Variants in LUZP2 observed in about 807,000 individuals in gnomAD.
LUZP2 encodes leucine zipper protein 2.
LUZP2 carries 52 observed loss-of-function variants against 51.6 expected under a neutral mutation model. That is an observed-to-expected ratio of 1.01 (90% confidence interval 0.81 to 1.27). The LOEUF is 1.27. Among genes scored for constraint, LUZP2 ranks in the 50% most tolerant of loss-of-function variants. The probability of loss-of-function intolerance (pLI) is 0.00; values close to 1 mark genes in which losing one functional copy is unlikely to be tolerated. For missense variants in LUZP2, 436 were observed against 395.4 expected (o/e 1.10, Z -0.87); for synonymous variants, 154 against 137.3 (o/e 1.12, Z -0.85).
rs192230119 is a variant in LUZP2, at chr11:24,987,622, G to C, written c.765+4329G>C. 8.2e-3 allele frequency among the ~76,000 whole-genome samples: 1,251 copies of C among 151,952 alleles called. 6 individuals carry two copies. Among genetic ancestry groups the C allele is most frequent in the Non-Finnish European group, 0.014 (973 of 67,876 alleles). On this transcript the variant is annotated intron_variant, in intron 9 of 11. Coordinates refer to ENST00000336930, the MANE Select transcript of LUZP2 (RefSeq NM_001009909.4). ...GGAAAAGGATGATTTGTTAATTTTT[G>C]TTTAAATGTGTTGTAAATGCCAAAG...
At chr11:25,030,776 A>G (rs186128546) in intron 9 of LUZP2, among the ~76,000 whole-genome samples, 5 of 147,670 alleles carry the variant, frequency 3.4e-5, no homozygotes, top group African/African-American at 1.2e-4. Context: ...TCATTTACCT[A>G]TTGCTTTATA....
At chr11:24,612,865 C>T (rs1294513646) in intron 1 of LUZP2, among the ~76,000 whole-genome samples, 1 of 151,998 alleles carries the variant, frequency 6.6e-6, no homozygotes, top group Admixed American at 6.6e-5. Context: ...TAGGGAGGTG[C>T]ATCTTTTCCT....
At chr11:24,738,851 C>T (rs111735727) in intron 4 of LUZP2, among the ~76,000 whole-genome samples, 1 of 152,078 alleles carries the variant, frequency 6.6e-6, no homozygotes, top group African/African-American at 2.4e-5. Context: ...CGTTTCAGCT[C>T]TTACTACGAA....
intron 9 of LUZP2, among the ~76,000 whole-genome samples, chr11:25,016,207 A>G (rs748009963): frequency 4.6e-5 from 7 of 152,060 alleles, no homozygotes; most frequent in Non-Finnish European, 8.8e-5. Flanking sequence ...AGCGTGAGCC[A>G]CCATGCCTGG....
chr11:24,999,691 G>A (rs1350602512), intron 9 of LUZP2, among the ~76,000 whole-genome samples: 1 of 152,116 alleles, frequency 6.6e-6, no homozygotes, highest in South Asian at 2.1e-4. Context: ...AGTGACACAT[G>A]CAATGTTATA....
rs780560411 is a variant in LUZP2 at position 24,497,193 on chromosome 11, AAG to A, written c.-39_-38del. 1,640 of 1,463,862 alleles carry A rather than the reference AAG, an allele frequency of 1.1e-3. No homozygotes were observed. The highest frequency in any genetic ancestry group is 2.8e-3 in the South Asian group (209 of 74,602). 90.7% of individuals were successfully genotyped at this position (1,463,862 alleles called of 1,614,324 possible). Reference sequence around the variant, plus strand: ...GGCACCAAGGAGCGACAGGATCCCGAAGAGAGAGAGAGAAGGCAGCGAGGGAA... The same window carrying A: ...GGCACCAAGGAGCGACAGGATCCCGAAGAGAGAGAGAAGGCAGCGAGGGAA... On this transcript the variant is annotated 5_prime_UTR_variant, in exon 1 of 12. Transcript: ENST00000336930.
chr11:24,650,427 T>C (rs1855591938), intron 1 of LUZP2, among the ~76,000 whole-genome samples: 1 of 151,902 alleles, frequency 6.6e-6, no homozygotes. Context: ...CACACACACA[T>C]ACTAATAACA....
intron 5 of LUZP2, among the ~76,000 whole-genome samples, chr11:24,861,869 C>T (rs1324403375): frequency 6.6e-6 from 1 of 152,166 alleles, no homozygotes; most frequent in Non-Finnish European, 1.5e-5. Context: ...GAACAGGACC[C>T]ATGATCAAAG....
At chr11:24,906,955 A>G (rs1853474194) in intron 6 of LUZP2, among the ~76,000 whole-genome samples, 1 of 152,200 alleles carries the variant, frequency 6.6e-6, no homozygotes, top group Admixed American at 6.5e-5. Flanking sequence ...AGAGTTGTCT[A>G]GAAGTAAGGC....
At chr11:24,865,019 T>G (rs1353893775) in intron 5 of LUZP2, among the ~76,000 whole-genome samples, 1 of 152,238 alleles carries the variant, frequency 6.6e-6, no homozygotes, top group Admixed American at 6.5e-5. Context: ...TACTTCCTCT[T>G]ATTCTACGTT....
intron 1 of LUZP2, among the ~76,000 whole-genome samples, chr11:24,632,286 G>A (rs1262947516): frequency 2.0e-5 from 3 of 151,762 alleles, no homozygotes; most frequent in Non-Finnish European, 4.4e-5. Flanking sequence ...ATAAAACCTC[G>A]GCATTTGATA....
chr11:24,949,177 A>C (rs373045857), intron 7 of LUZP2, among the ~76,000 whole-genome samples: 6 of 151,484 alleles, frequency 4.0e-5, no homozygotes, highest in African/African-American at 1.5e-4. Flanking sequence ...GGATGCAAAA[A>C]GGGTAAATTC....
intron 1 of LUZP2, among the ~76,000 whole-genome samples, chr11:24,662,859 GA>G (rs1381950916): frequency 6.6e-6 from 1 of 151,874 alleles, no homozygotes; most frequent in East Asian, 1.9e-4. Context: ...GCAGTGGCAA[GA>G]AAAAATTATT....
chr11:24,512,134 A>C (rs1850330531), intron 1 of LUZP2, among the ~76,000 whole-genome samples: 1 of 152,220 alleles, frequency 6.6e-6, no homozygotes, highest in African/African-American at 2.4e-5. Context: ...ATTGGGCTGA[A>C]CAGGGGAAGA....
chr11:24,734,308 T>C (rs2716450), intron 3 of LUZP2, among the ~76,000 whole-genome samples: 118,999 of 151,460 alleles, frequency 0.79, 47,102 homozygotes, highest in Admixed American at 0.87. Flanking sequence ...TCTTAGTTTG[T>C]TGATATTTTT....
chr11:24,829,218 A>C, intron 5 of LUZP2, among the ~76,000 whole-genome samples: 1 of 152,302 alleles, frequency 6.6e-6, no homozygotes, highest in South Asian at 2.1e-4. Context: ...GAAGTAAGAC[A>C]GATGAAGGAA....
At chr11:24,725,194 G>A (rs771804156) in intron 1 of LUZP2, among the ~76,000 whole-genome samples, 15 of 152,022 alleles carry the variant, frequency 9.9e-5, no homozygotes, top group Non-Finnish European at 1.8e-4. Context: ...AATCCAAGAA[G>A]TATCAAAATG....
rs181503416 is a variant in LUZP2 at position 24,785,161 on chromosome 11, G to A, written c.396+21853G>A. 5.4e-3 allele frequency among the ~76,000 whole-genome samples: 828 copies of A among 152,018 alleles called. 3 individuals carry two copies. Among genetic ancestry groups the A allele is most frequent in the Non-Finnish European group, 7.4e-3 (500 of 67,936 alleles). On this transcript the variant is annotated intron_variant, in intron 5 of 11. Transcript: ENST00000336930. ...CAGACCTCTCCTGCATAAACTGATT[G>A]ACTTTATCATCTGTTCCCATCACAT...
chr11:25,045,249 A>C (rs1236044051), intron 9 of LUZP2, among the ~76,000 whole-genome samples: 6 of 152,126 alleles, frequency 3.9e-5, no homozygotes, highest in African/African-American at 1.4e-4. Context: ...ATGTATATAC[A>C]TGATTTAAAG....
Sources: gnomAD v4.1 joint callset for allele counts (sites outside exome capture counted in the v4.1 genomes callset) on GRCh38, gnomAD v4.1.1 for gene constraint, MANE v1.5 for transcripts, NCBI Gene and HGNC (gene_info 2026-07-23, HGNC 2026-07-21) for gene names.